Variants in ABL1 observed in about 807,000 individuals in gnomAD.
ABL1 encodes ABL proto-oncogene 1, non-receptor tyrosine kinase.
A neutral mutation model predicts 94.7 loss-of-function variants in ABL1; 11 were observed. The observed-to-expected ratio is 0.12, with a 90% CI of 0.07 to 0.19. ABL1 has a LOEUF of 0.19. ABL1 is among the 10% of genes least tolerant of loss of function. ABL1 has a pLI of 1.00. For synonymous variants in ABL1, 656 were observed against 622.4 expected (o/e 1.05, Z -0.80); for missense variants, 1,082 against 1,489.4 (o/e 0.73, Z 4.50).
intron 1 of ABL1, among the ~76,000 whole-genome samples, chr9:130,798,966 C>CAAAAA (rs71389357): frequency 2.1e-4 from 14 of 66,806 alleles, no homozygotes; most frequent in South Asian, 5.5e-4. Flanking sequence ...GACTCCGTCT[C>CAAAAA]AAAAAAAAAA....
chr9:130,805,183 T>C (rs1012853295), intron 1 of ABL1, among the ~76,000 whole-genome samples: 1 of 152,194 alleles, frequency 6.6e-6, no homozygotes, highest in Non-Finnish European at 1.5e-5. Flanking sequence ...TTCAAGTGAT[T>C]CTCCTGCCTC....
At chr9:130,848,751 A>G (rs1830813637) in intron 1 of ABL1, among the ~76,000 whole-genome samples, 1 of 152,086 alleles carries the variant, frequency 6.6e-6, no homozygotes, top group Non-Finnish European at 1.5e-5. Flanking sequence ...AGCCTGGCCA[A>G]CATGGTGAAA....
chr9:130,816,202 G>C (rs1451680122), intron 1 of ABL1, among the ~76,000 whole-genome samples: 2 of 151,964 alleles, frequency 1.3e-5, no homozygotes, highest in East Asian at 3.9e-4. Context: ...CATCCTCCCT[G>C]CCCAGGGCCT....
chr9:130,744,324 G>A (rs1294853350), intron 1 of ABL1, among the ~76,000 whole-genome samples: 1 of 151,344 alleles, frequency 6.6e-6, no homozygotes, highest in African/African-American at 2.4e-5. Flanking sequence ...TGTATTTTTA[G>A]TAGAGATGGG....
chr9:130,748,471 G>T (rs1169723835), intron 1 of ABL1, among the ~76,000 whole-genome samples: 1 of 151,822 alleles, frequency 6.6e-6, no homozygotes, highest in East Asian at 1.9e-4. Context: ...GGAGTGCAGT[G>T]GTTCCATCTT....
intron 4 of ABL1, among the ~76,000 whole-genome samples, chr9:130,869,752 G>A (rs2132988878): frequency 6.6e-6 from 1 of 152,228 alleles, no homozygotes; most frequent in Middle Eastern, 3.4e-3. Flanking sequence ...GAAAGTAAAG[G>A]AATGTCACAG....
intron 1 of ABL1, among the ~76,000 whole-genome samples, chr9:130,785,361 G>A (rs1157125510): frequency 6.6e-6 from 1 of 152,144 alleles, no homozygotes; most frequent in East Asian, 1.9e-4. Context: ...GTGGTGGGCT[G>A]CTGCCCTGGG....
intron 1 of ABL1, among the ~76,000 whole-genome samples, chr9:130,773,012 C>T (rs1337520339): frequency 6.6e-6 from 1 of 152,126 alleles, no homozygotes; most frequent in Non-Finnish European, 1.5e-5. Flanking sequence ...GGTAAATCCC[C>T]AAGGCCTATA....
intron 8 of ABL1, among the ~76,000 whole-genome samples, chr9:130,879,533 G>C (rs1266547384): frequency 6.6e-6 from 1 of 152,204 alleles, no homozygotes; most frequent in African/African-American, 2.4e-5. Flanking sequence ...TGAACTGTTG[G>C]TTCCAAGAAC....
chr9:130,726,733 T>C (rs7028090), intron 1 of ABL1, among the ~76,000 whole-genome samples: 79,852 of 152,014 alleles, frequency 0.53, 22,617 homozygotes, highest in African/African-American at 0.74. Context: ...CTTGGCCTCC[T>C]GAAGTGCTGG....
rs1159071287 is a variant in ABL1 at position 130,872,061 on chromosome 9, A to G, written c.823-68A>G. 14 of 1,407,546 alleles carry G rather than the reference A, an allele frequency of 9.9e-6. No individual in the cohort carries two copies. Among genetic ancestry groups the G allele is most frequent in the Non-Finnish European group, 1.3e-5 (13 of 1,000,392 alleles). The allele number at this position is 1,407,546 out of a possible 1,614,324, so 87.2% of individuals were successfully genotyped here. A position where few individuals can be genotyped will look rare whatever the true frequency, so the allele number is the denominator to read the frequency against. On this transcript the variant is annotated intron_variant, in intron 4 of 10. Transcript: ENST00000318560. This position sits in a 1 kb window ranked among gnomAD's most constrained non-coding sequence, Gnocchi z 5.0. ...GCTGAAGCTCCATTTTGCATTAACT[A>G]GTCAAGTACTTACCCACTGAAAAGC...
At position 130,872,314 on chromosome 9, in the gene ABL1, C is replaced by T. The variant is rs531129074; in HGVS notation, c.907+101C>T. ...ACGGGCGGCTCACTGCACAAAACCT[C>T]GTTGGAATATTTGTGCTCTGCCGAC... On this transcript the variant is annotated intron_variant, in intron 5 of 10. Transcript: ENST00000318560. The surrounding 1 kb of genome is among the most constrained non-coding windows in gnomAD (Gnocchi z 5.0). The T allele has an allele frequency of 4.0e-5, 44 of 1,093,710 alleles. 1 individual carries two copies. In the East Asian group the frequency reaches 9.4e-4, roughly 23 times the overall value. 67.8% of individuals were successfully genotyped at this position (1,093,710 alleles called of 1,614,324 possible).
At chr9:130,852,190 A>G (rs1000296541) in intron 1 of ABL1, among the ~76,000 whole-genome samples, 3 of 151,750 alleles carry the variant, frequency 2.0e-5, no homozygotes, top group Non-Finnish European at 4.4e-5. Context: ...TTTTATTTTT[A>G]TTATTTATTT....
intron 1 of ABL1, among the ~76,000 whole-genome samples, chr9:130,795,111 T>G (rs1411220117): frequency 6.6e-6 from 1 of 152,186 alleles, no homozygotes; most frequent in Non-Finnish European, 1.5e-5. Flanking sequence ...GTTACCCAAG[T>G]GGTTTCTTGT....
At chr9:130,823,854 G>T (rs1830394049) in intron 1 of ABL1, among the ~76,000 whole-genome samples, 1 of 152,176 alleles carries the variant, frequency 6.6e-6, no homozygotes, top group Non-Finnish European at 1.5e-5. Context: ...AAAAACAGAT[G>T]TCGAGAGCCA....
intron 1 of ABL1, among the ~76,000 whole-genome samples, chr9:130,732,105 G>A (rs964868519): frequency 5.9e-5 from 9 of 151,290 alleles, no homozygotes; most frequent in Admixed American, 2.0e-4. Context: ...TTCATGGATC[G>A]AACAGTATTT....
chr9:130,809,905 C>T (rs1185524216), intron 1 of ABL1, among the ~76,000 whole-genome samples: 1 of 152,204 alleles, frequency 6.6e-6, no homozygotes, highest in Non-Finnish European at 1.5e-5. Flanking sequence ...AAATGCTATT[C>T]TGGTCTTGCT....
intron 1 of ABL1, among the ~76,000 whole-genome samples, chr9:130,836,487 A>C (rs540840263): frequency 6.6e-6 from 1 of 152,300 alleles, no homozygotes; most frequent in East Asian, 1.9e-4. Context: ...TCAGAGATGG[A>C]GTGGCACTTG....
chr9:130,732,818 G>C (rs758219317), intron 1 of ABL1, among the ~76,000 whole-genome samples: 1 of 151,834 alleles, frequency 6.6e-6, no homozygotes, highest in Non-Finnish European at 1.5e-5. Flanking sequence ...CTTCAGAGGA[G>C]CAAAGGCTAG....
Sources: allele counts gnomAD v4.1 joint callset (sites outside exome capture counted in the v4.1 genomes callset), GRCh38; gene constraint gnomAD v4.1.1; non-coding constraint Gnocchi (gnomAD v3.1); transcripts MANE v1.5; gene names NCBI Gene and HGNC (gene_info 2026-07-23, HGNC 2026-07-21).